Variants in ACTA2 observed in about 807,000 individuals in gnomAD.
ACTA2 encodes actin, aortic smooth muscle.
ACTA2 carries 12 observed loss-of-function variants against 39.5 expected under a neutral mutation model. The observed-to-expected ratio is 0.30, with a 90% CI of 0.19 to 0.49. The LOEUF is 0.49. ACTA2 is among the 20% of genes least tolerant of loss of function. The pLI is 0.99. For missense variants in ACTA2, 236 were observed against 498.8 expected, an observed-to-expected ratio of 0.47 and a Z score of 5.02; for synonymous variants, 158 against 180.6, an observed-to-expected ratio of 0.88 and a Z score of 1.00.
At chr10:88,945,802 T>C (rs1462219574) in intron 3 of ACTA2, among the ~76,000 whole-genome samples, 2 of 152,220 alleles carry the variant, frequency 1.3e-5, no homozygotes, top group African/African-American at 2.4e-5. Flanking sequence ...TTAATTTAGA[T>C]GTTTAGAGTG....
intron 1 of ACTA2, among the ~76,000 whole-genome samples, chr10:88,958,713 A>C (rs1846177637): frequency 6.6e-6 from 1 of 152,174 alleles, no homozygotes; most frequent in African/African-American, 2.4e-5. Flanking sequence ...GCTCAAGTGA[A>C]CCCAGTATTA....
chr10:88,961,471 T>C (rs1034195446), intron 1 of ACTA2, among the ~76,000 whole-genome samples: 3 of 152,348 alleles, frequency 2.0e-5, no homozygotes, highest in African/African-American at 7.2e-5. Context: ...TGCTCATCTC[T>C]GTTTCTTCAT....
chr10:88,979,232 A>C (rs1846649411), intron 1 of ACTA2, among the ~76,000 whole-genome samples: 1 of 151,940 alleles, frequency 6.6e-6, no homozygotes, highest in Non-Finnish European at 1.5e-5. Context: ...AGAGATAAGG[A>C]AGGGAAGAAA....
chr10:88,968,373 T>C (rs1846359331), intron 1 of ACTA2, among the ~76,000 whole-genome samples: 1 of 152,172 alleles, frequency 6.6e-6, no homozygotes, highest in Non-Finnish European at 1.5e-5. Context: ...TGCAGGGTTT[T>C]TGATCATCTT....
At chr10:88,956,531 A>G (rs1846141544), upstream of ACTA2, among the ~76,000 whole-genome samples, 2 of 152,186 alleles carry the variant, frequency 1.3e-5, no homozygotes, top group Non-Finnish European at 2.9e-5. Flanking sequence ...ATATCTGCAA[A>G]GTCACCATTT....
chr10:88,981,003 G>A (rs1432234541), intron 1 of ACTA2, among the ~76,000 whole-genome samples: 1 of 152,200 alleles, frequency 6.6e-6, no homozygotes, highest in African/African-American at 2.4e-5. Context: ...TTGGACTATG[G>A]AGGAATAGGG....
chr10:88,957,809 C>A (rs1298724083), intron 1 of ACTA2, among the ~76,000 whole-genome samples: 1 of 152,122 alleles, frequency 6.6e-6, no homozygotes, highest in Non-Finnish European at 1.5e-5. Flanking sequence ...GCTCTGTCAC[C>A]CAGGCTGGAG....
At chr10:88,936,297 G>T (rs2133240961) in intron 8 of ACTA2, among the ~76,000 whole-genome samples, 1 of 152,138 alleles carries the variant, frequency 6.6e-6, no homozygotes, top group Middle Eastern at 3.4e-3. Context: ...TTTATGTTTT[G>T]GTTTGGTTTT....
At chr10:88,947,739 T>C (rs973837785) in intron 2 of ACTA2, among the ~76,000 whole-genome samples, 13 of 152,234 alleles carry the variant, frequency 8.5e-5, no homozygotes, top group African/African-American at 2.9e-4. Context: ...TAATTATTTG[T>C]TGAAAGAATG....
rs748855163 is a variant in ACTA2, at chr10:88,941,880, A to G, written c.370-11T>C. The stretch of plus-strand genomic sequence containing the variant: ...AGTCTCAAACATAATCTGCAAAGCA[A>G]TCCAAAGAGCTGAGTTAGTGAAGGT... On this transcript the variant is annotated splice_polypyrimidine_tract_variant and intron_variant, in intron 4 of 8. Transcript: ENST00000224784. 2 of 1,607,982 alleles carry G rather than the reference A, an allele frequency of 1.2e-6. No individual in the cohort carries two copies. Among genetic ancestry groups the G allele is most frequent in the Non-Finnish European group, 1.7e-6 (2 of 1,176,630 alleles).
intron 1 of ACTA2, among the ~76,000 whole-genome samples, chr10:88,959,996 G>A (rs551373713): frequency 6.6e-6 from 1 of 152,268 alleles, no homozygotes; most frequent in African/African-American, 2.4e-5. Context: ...AAGACAAGAT[G>A]CTACCAGGAT....
At chr10:88,979,197 G>A (rs1846647869) in intron 1 of ACTA2, among the ~76,000 whole-genome samples, 1 of 151,954 alleles carries the variant, frequency 6.6e-6, no homozygotes, top group Non-Finnish European at 1.5e-5. Flanking sequence ...ATGATGTTGT[G>A]TATGAGCGTA....
exon 1 of ACTA2, chr10:88,991,066 C>A (rs185376752): frequency 1.1e-6 from 1 of 909,564 alleles, no homozygotes; most frequent in South Asian, 1.5e-5. Context: ...GACTGGCTCC[C>A]GGGGGCTGTT....
intron 1 of ACTA2, among the ~76,000 whole-genome samples, chr10:88,968,457 C>T (rs1174649128): frequency 6.6e-6 from 1 of 152,128 alleles, no homozygotes; most frequent in Non-Finnish European, 1.5e-5. Flanking sequence ...TAACTTTATC[C>T]CAAAACCAGC....
At chr10:88,949,754 CAT>C in intron 1 of ACTA2, among the ~76,000 whole-genome samples, 1 of 152,208 alleles carries the variant, frequency 6.6e-6, no homozygotes, top group African/African-American at 2.4e-5. Context: ...GAAAAAGTAA[CAT>C]TGTAAATCTC....
chr10:88,988,451 C>G (rs1220659528), intron 1 of ACTA2, among the ~76,000 whole-genome samples: 1 of 108,022 alleles, frequency 9.3e-6, no homozygotes, highest in African/African-American at 3.1e-5. Context: ...TTTATCTTAA[C>G]TCTTCCTGTT....
At chr10:88,960,413 A>G (rs1846206902) in intron 1 of ACTA2, among the ~76,000 whole-genome samples, 1 of 152,178 alleles carries the variant, frequency 6.6e-6, no homozygotes, top group African/African-American at 2.4e-5. Context: ...AAACCAGATC[A>G]CTGCTCCTCT....
Position 88,979,439 on chromosome 10 carries a change from C to T in ACTA2, c.-24+11500G>A, listed in dbSNP as rs757594025. Among the ~76,000 whole-genome samples the T allele has an allele frequency of 2.0e-4, 31 of 152,136 alleles. 1 individual carries two copies. Among genetic ancestry groups the T allele is most frequent in the South Asian group, 2.1e-4 (1 of 4,818 alleles). On this transcript the variant is annotated intron_variant, in intron 1 of 4. Transcript: ENST00000415557. ...GCATTCAGGACAGATGAGAGTCTGG[C>T]CAAATAATTGTCAGGAACCCTTAAA...
Position 88,990,831 on chromosome 10 carries a change from A to G in ACTA2, c.-24+108T>C, listed in dbSNP as rs1564669941. ...CCGCGGGTTGGTGGACCCGCTCAGT[A>G]CGGAGTTGGGGAAGCTCTTTCACTT... On this transcript the variant is annotated intron_variant, in intron 1 of 4. Coordinates refer to the ACTA2 transcript ENST00000415557. The surrounding 1 kb of genome is among the most constrained non-coding windows in gnomAD (Gnocchi z 4.9). The G allele has an allele frequency of 6.2e-7, 1 of 1,614,042 alleles. No homozygotes were observed. Among genetic ancestry groups the G allele is most frequent in the East Asian group, 2.2e-5 (1 of 44,876 alleles).
Sources: gnomAD v4.1 joint callset for allele counts (sites outside exome capture counted in the v4.1 genomes callset) on GRCh38, gnomAD v4.1.1 for gene constraint, Gnocchi (gnomAD v3.1) non-coding constraint, MANE v1.5 for transcripts, NCBI Gene and HGNC (gene_info 2026-07-23, HGNC 2026-07-21) for gene names.